The following CLEC17A variants were observed in gnomAD, a reference collection of about 807,000 sequenced individuals.
CLEC17A encodes the protein C-type lectin domain containing 17A, also known as C-type lectin domain family 17, member A.
CLEC17A carries 37 observed loss-of-function variants against 61.3 expected under a neutral mutation model. The ratio of observed to expected loss-of-function variants is 0.60; its 90% CI spans 0.46 to 0.79. The LOEUF (loss-of-function observed/expected upper bound fraction) is 0.79. CLEC17A is among the 30% of genes least tolerant of loss of function. CLEC17A has a pLI of 0.00. For missense variants in CLEC17A, 418 were observed against 464.7 expected, an observed-to-expected ratio of 0.90 and a Z score of 0.92; for synonymous variants, 168 against 164.9, an observed-to-expected ratio of 1.02 and a Z score of -0.14.
At chr19:14,597,281 G>A (rs905339774) in intron 10 of CLEC17A, 120 bp downstream of exon 10, 1 of 848,754 alleles carries the variant, frequency 1.2e-6, no homozygotes, top group Non-Finnish European at 1.9e-6. Flanking sequence ...AGGTACCAGG[G>A]GGTTAAAATG....
chr19:14,598,662 A>G (rs897142016), intron 10 of CLEC17A, among the ~76,000 whole-genome samples: 6 of 151,982 alleles, frequency 3.9e-5, no homozygotes, highest in African/African-American at 1.5e-4. Context: ...TTTAGTAGAG[A>G]TGGGGTTTCA....
chr19:14,607,814 G>A (rs996803388), intron 13 of CLEC17A, among the ~76,000 whole-genome samples: 3 of 151,896 alleles, frequency 2.0e-5, no homozygotes, highest in Admixed American at 6.6e-5. Context: ...GACCTCAGGT[G>A]ATCTGCCCAC....
At chr19:14,592,918 G>A (rs1026592947) in intron 4 of CLEC17A, among the ~76,000 whole-genome samples, 10 of 152,034 alleles carry the variant, frequency 6.6e-5, no homozygotes, top group African/African-American at 2.4e-4. Context: ...CGCCTGCCTT[G>A]GCATCCCAAA....
In CLEC17A at chr19:14,597,130, A is replaced by G. The variant is rs1252888357; in HGVS notation, c.615A>G (p.Leu205=). ...YQELMEELRM[L]SFQQMTWRTN... ...AGTTGATGGAAGAACTGAGAATGTT[A>G]AGCTTTCAGCAGATGACGTGGCGAA... is the stretch of plus-strand genomic sequence containing the variant. Residue 205 remains leucine (L), a synonymous_variant, in exon 10 of 14, where the codon TTA becomes TTG. Transcript: ENST00000417570. 1 of 1,612,868 alleles carries G rather than the reference A, an allele frequency of 6.2e-7. No individual in the cohort carries two copies. The highest frequency in any genetic ancestry group is 8.5e-7 in the Non-Finnish European group (1 of 1,179,514).
intron 2 of CLEC17A, among the ~76,000 whole-genome samples, chr19:14,584,864 G>A (rs907847788): frequency 3.3e-5 from 5 of 150,288 alleles, no homozygotes; most frequent in Admixed American, 2.6e-4. Context: ...GCCCAGCCTC[G>A]ACTCCTTCCC....
chr19:14,594,560 G>A lies in CLEC17A; in HGVS notation c.310+11G>A, dbSNP rs2074497745. 6.2e-7 allele frequency: 1 copy of A among 1,611,014 alleles called. No homozygotes were observed. ...GACCTCCAAGGGCAGGTGAGTTGGGGCTGGGGGTGTAGGAGACCCAGAGCT... is the reference window on the plus strand; with the variant it reads ...GACCTCCAAGGGCAGGTGAGTTGGGACTGGGGGTGTAGGAGACCCAGAGCT... On this transcript the variant is annotated intron_variant, in intron 5 of 13. Transcript: ENST00000417570.
intron 4 of CLEC17A, among the ~76,000 whole-genome samples, chr19:14,594,245 C>G (rs2074490887): frequency 6.6e-6 from 1 of 151,904 alleles, no homozygotes; most frequent in Admixed American, 6.6e-5. Context: ...CCACTGCACT[C>G]CAGTCTGAGC....
rs140119902 is a variant in CLEC17A at position 14,606,549 on chromosome 19, G to C, written c.895-444G>C. On this transcript the variant is annotated intron_variant, in intron 12 of 13. Coordinates refer to ENST00000417570, the MANE Select transcript of CLEC17A (RefSeq NM_001204118.2). ...ACAAAAATTAGCCGGGCGTGGTGGC[G>C]GGTAGCTATAATCCCAGCTACTCGG... 5.1e-3 allele frequency among the ~76,000 whole-genome samples: 769 copies of C among 151,874 alleles called. 5 individuals are homozygous for C. Among genetic ancestry groups the C allele is most frequent in the Non-Finnish European group, 8.4e-3 (568 of 67,944 alleles).
At chr19:14,584,659 C>T (rs1599526848) in intron 2 of CLEC17A, among the ~76,000 whole-genome samples, 2 of 152,088 alleles carry the variant, frequency 1.3e-5, no homozygotes, top group South Asian at 2.1e-4. Flanking sequence ...GTGACCTGTG[C>T]TGTGTTGTTT....
At position 14,611,296 on chromosome 19, in the gene CLEC17A, C is replaced by T. The variant is rs539943557; in HGVS notation, c.*1100C>T. 6.7e-6 allele frequency: 1 copy of T among 149,814 alleles called. No individual in the cohort carries two copies. Among genetic ancestry groups the T allele is most frequent in the East Asian group, 2.0e-4 (1 of 5,068 alleles). The allele number at this position is 149,814 out of a possible 1,614,324, so 9.3% of individuals were successfully genotyped here. ...TTTTGACCAGCAACTTTCTCAATGT[C>T]TTGGGTGAGGTTTGCACAAGCTAAG... On this transcript the variant is annotated 3_prime_UTR_variant, in exon 14 of 14. Transcript: ENST00000417570.
intron 13 of CLEC17A, among the ~76,000 whole-genome samples, chr19:14,607,910 A>C (rs1399305157): frequency 6.6e-6 from 1 of 150,616 alleles, no homozygotes; most frequent in African/African-American, 2.4e-5. Flanking sequence ...TCGCCCTGTC[A>C]CCCAGGCTGG....
At chr19:14,594,468 C>T (rs764365528) in intron 4 of CLEC17A, 49 bp from the exon 5 acceptor site, 100 of 1,550,264 alleles carry the variant, frequency 6.5e-5, no homozygotes, top group Admixed American at 9.8e-5. Context: ...TTCCTCTTGG[C>T]GCATTCCCAT....
chr19:14,607,836 A>C (rs899521800), intron 13 of CLEC17A, among the ~76,000 whole-genome samples: 1 of 151,582 alleles, frequency 6.6e-6, no homozygotes, highest in African/African-American at 2.4e-5. Context: ...TTGGCCTCCC[A>C]AAGTGTTGGG....
intron 4 of CLEC17A, 33 bp from the exon 5 acceptor site, chr19:14,594,484 G>T (rs762390484): frequency 6.4e-7 from 1 of 1,557,462 alleles, no homozygotes; most frequent in South Asian, 1.2e-5. Flanking sequence ...CCCATCCTCA[G>T]CCCAGCCCTC....
Position 14,610,229 on chromosome 19 carries a change from A to G in CLEC17A, c.*33A>G, listed in dbSNP as rs2075015612. ...GGCCGAGGCTGGGGGTCCATATCTG[A>G]GTGTCTCTTTGAGATGAGAATCTCC... is the stretch of plus-strand genomic sequence containing the variant. On this transcript the variant is annotated 3_prime_UTR_variant, in exon 14 of 14. Transcript: ENST00000417570. 6.5e-7 allele frequency: 1 copy of G among 1,547,134 alleles called. No homozygotes were observed. Among genetic ancestry groups the G allele is most frequent in the African/African-American group, 1.4e-5 (1 of 73,194 alleles).
In CLEC17A at chr19:14,593,964, A is replaced by AAAAC. The variant is rs542906170; in HGVS notation, c.278-525_278-522dup. On this transcript the variant is annotated intron_variant, in intron 4 of 13. Transcript: ENST00000417570. Reference sequence around the variant, plus strand: ...GAGACAGAGAGAGACTCTGTCTCATAAAACAAACAAACAAACAAACAAACA... The same window carrying AAAAC: ...GAGACAGAGAGAGACTCTGTCTCATAAAACAAACAAACAAACAAACAAACAAACA... Among the ~76,000 whole-genome samples, 1,311 of 146,890 alleles carry AAAAC rather than the reference A, an allele frequency of 8.9e-3. 11 individuals are homozygous for AAAAC. Among genetic ancestry groups the AAAAC allele is most frequent in the Middle Eastern group, 0.014 (4 of 292 alleles).
chr19:14,581,492 CTT>C (rs531605776), upstream of CLEC17A, among the ~76,000 whole-genome samples: 7,603 of 145,230 alleles, frequency 0.052, 632 homozygotes, highest in African/African-American at 0.18. Context: ...TCCAGCTATT[CTT>C]TTTTTTTTTG....
chr19:14,583,000 C>A, upstream of CLEC17A: 1 of 651,934 alleles, frequency 1.5e-6, no homozygotes, highest in Non-Finnish European at 2.7e-6. Context: ...TTTGTGTGAG[C>A]ACGTGTGAGG....
upstream of CLEC17A, chr19:14,582,987 GTGTT>G (rs1194949878): frequency 2.7e-5 from 17 of 622,158 alleles, no homozygotes; most frequent in Middle Eastern, 2.7e-3. Context: ...GTGTGTGTGT[GTGTT>G]TGTGTGAGCA....
Sources: gnomAD v4.1 joint callset for allele counts (sites outside exome capture counted in the v4.1 genomes callset) on GRCh38, gnomAD v4.1.1 for gene constraint, MANE v1.5 for transcripts, NCBI Gene and HGNC (gene_info 2026-07-23, HGNC 2026-07-21) for gene names.